KATNIP: variants seen among roughly 807,000 people sequenced by gnomAD.
The protein encoded by KATNIP is katanin interacting protein, also known as katanin-interacting protein.
KATNIP carries 126 observed loss-of-function variants against 174.0 expected under a neutral mutation model. That is an observed-to-expected ratio of 0.72 (90% CI 0.63 to 0.84). The LOEUF (loss-of-function observed/expected upper bound fraction) is 0.84. Ranked by LOEUF, KATNIP falls within the 40% of genes least tolerant of loss-of-function variation. KATNIP has a pLI of 0.00. For synonymous variants in KATNIP, 810 were observed against 835.7 expected (o/e 0.97, Z 0.53); for missense variants, 1,958 against 2,109.7 (o/e 0.93, Z 1.41).
intron 14 of KATNIP, among the ~76,000 whole-genome samples, chr16:27,734,199 C>T (rs2080811160): frequency 1.3e-5 from 2 of 152,058 alleles, no homozygotes; most frequent in Admixed American, 1.3e-4. Context: ...TCTCCCGCCT[C>T]AGCCTCTCCA....
At chr16:27,597,959 G>A (rs904491665) in intron 2 of KATNIP, among the ~76,000 whole-genome samples, 3 of 152,204 alleles carry the variant, frequency 2.0e-5, no homozygotes, top group Admixed American at 6.5e-5. Flanking sequence ...CGGGCATGGT[G>A]GCTCAGGCCC....
At chr16:27,704,204 CAG>C (rs897615505) in intron 12 of KATNIP, among the ~76,000 whole-genome samples, 1 of 151,726 alleles carries the variant, frequency 6.6e-6, no homozygotes, top group African/African-American at 2.4e-5. Context: ...GAAGTTTCAG[CAG>C]AGAGAAGCCT....
intron 2 of KATNIP, among the ~76,000 whole-genome samples, chr16:27,580,358 C>A (rs1215421572): frequency 6.6e-6 from 1 of 152,156 alleles, no homozygotes. Flanking sequence ...AGCAGTCCTC[C>A]CCTCTTGGCC....
chr16:27,559,427 G>A (rs1469396), intron 1 of KATNIP, among the ~76,000 whole-genome samples: 127,018 of 152,032 alleles, frequency 0.84, 53,192 homozygotes, highest in East Asian at 1. Context: ...CATGCCTGTA[G>A]TCCTAGCACT....
intron 5 of KATNIP, among the ~76,000 whole-genome samples, chr16:27,635,907 A>C (rs531490675): frequency 5.9e-5 from 9 of 152,300 alleles, no homozygotes; most frequent in African/African-American, 2.2e-4. Flanking sequence ...TAATCCTAGC[A>C]CTTTGGGAGG....
intron 12 of KATNIP, among the ~76,000 whole-genome samples, chr16:27,705,553 G>A (rs2079267150): frequency 6.6e-6 from 1 of 152,074 alleles, no homozygotes; most frequent in Non-Finnish European, 1.5e-5. Context: ...AACAGGAAAG[G>A]TCTCTGAAAG....
At chr16:27,707,444 C>CAA (rs1278443270) in intron 12 of KATNIP, among the ~76,000 whole-genome samples, 1 of 152,216 alleles carries the variant, frequency 6.6e-6, no homozygotes, top group Non-Finnish European at 1.5e-5. Context: ...CAGAAAGAAA[C>CAA]AGACACTTAC....
chr16:27,721,709 G>A lies in KATNIP; in HGVS notation c.1743+14G>A, dbSNP rs376671989. 19 of 1,612,352 alleles carry A rather than the reference G, an allele frequency of 1.2e-5. No individual in the cohort carries two copies. Among genetic ancestry groups the A allele is most frequent in the South Asian group, 1.1e-4 (10 of 91,034 alleles). The stretch of plus-strand genomic sequence containing the variant: ...ACAGCTGATGGCGTAAGTAACAGGC[G>A]CTGGTTCCCCACTGGGCACTGGGTT... On this transcript the variant is annotated intron_variant, in intron 14 of 27. Coordinates refer to ENST00000261588, the MANE Select transcript of KATNIP (RefSeq NM_015202.5).
intron 5 of KATNIP, among the ~76,000 whole-genome samples, chr16:27,646,600 A>G (rs936809208): frequency 6.6e-6 from 1 of 152,228 alleles, no homozygotes; most frequent in Non-Finnish European, 1.5e-5. Context: ...TCGCAGCCCC[A>G]GAAGCCCTTT....
chr16:27,709,558 G>A (rs1438923758), intron 13 of KATNIP, among the ~76,000 whole-genome samples: 1 of 152,230 alleles, frequency 6.6e-6, no homozygotes, highest in Non-Finnish European at 1.5e-5. Flanking sequence ...AGGAGGCAGA[G>A]GTTACAGTAA....
intron 13 of KATNIP, among the ~76,000 whole-genome samples, chr16:27,716,634 A>G (rs1353549313): frequency 1.3e-5 from 2 of 152,178 alleles, no homozygotes; most frequent in Non-Finnish European, 2.9e-5. Flanking sequence ...ATATATTTCT[A>G]TGCAGTGTTA....
chr16:27,682,173 G>A (rs1352654495), intron 8 of KATNIP, among the ~76,000 whole-genome samples: 3 of 152,216 alleles, frequency 2.0e-5, no homozygotes, highest in East Asian at 3.9e-4. Context: ...AATTCTGAAA[G>A]TACAAAAGAG....
At chr16:27,681,904 G>A (rs565848966) in intron 8 of KATNIP, among the ~76,000 whole-genome samples, 2 of 152,158 alleles carry the variant, frequency 1.3e-5, no homozygotes, top group African/African-American at 4.8e-5. Flanking sequence ...ACATGGTGGA[G>A]GGCAATCTGC....
rs1567270086 is a variant in KATNIP at position 27,662,049 on chromosome 16, C to CATATATATATATATATACACATACAT, written c.540+13331_540+13332insCACATACATATATATATATATATATA. On this transcript the variant is annotated intron_variant, in intron 6 of 27. Coordinates refer to ENST00000261588, the MANE Select transcript of KATNIP (RefSeq NM_015202.5). Reference sequence around the variant, plus strand: ...ATATATATATATATATATACACATACATATATATATATATATATATATACA... The same window carrying CATATATATATATATATACACATACAT: ...ATATATATATATATATATACACATACATATATATATATATATACACATACATATATATATATATATATATATATACA... Among the ~76,000 whole-genome samples, 15 of 8,628 alleles carry CATATATATATATATATACACATACAT rather than the reference C, an allele frequency of 1.7e-3. 4 individuals are homozygous for CATATATATATATATATACACATACAT. Among genetic ancestry groups the CATATATATATATATATACACATACAT allele is most frequent in the Admixed American group, 3.4e-3 (2 of 594 alleles). The allele number at this position is 8,628 out of a possible 152,430, so 5.7% of individuals were successfully genotyped here.
In KATNIP at chr16:27,631,163, G is replaced by A. The variant is rs777350912; in HGVS notation, c.408+1G>A. 6 of 1,561,130 alleles carry A rather than the reference G, an allele frequency of 3.8e-6. No individual in the cohort carries two copies. Among genetic ancestry groups the A allele is most frequent in the Non-Finnish European group, 4.3e-6 (5 of 1,151,082 alleles). On this transcript the variant is annotated splice_donor_variant, in intron 5 of 27. Transcript: ENST00000261588. LOFTEE classifies it high-confidence loss of function. ...AGTCCAGCGCCGAGGATGGCACCAG[G>A]TCTGGAGACTGTGGCCCCAGCCCAC...
chr16:27,694,987 C>G (rs1422877322), intron 8 of KATNIP, among the ~76,000 whole-genome samples: 2 of 152,148 alleles, frequency 1.3e-5, no homozygotes, highest in African/African-American at 4.8e-5. Flanking sequence ...CACAGCTCAG[C>G]TGAAAGCAAC....
At chr16:27,557,708 A>G (rs2089688476) in intron 1 of KATNIP, among the ~76,000 whole-genome samples, 1 of 152,164 alleles carries the variant, frequency 6.6e-6, no homozygotes, top group Admixed American at 6.5e-5. Context: ...GATTACAGGC[A>G]TGAGCCACTA....
At chr16:27,768,066 A>G (rs1054233087) in intron 20 of KATNIP, among the ~76,000 whole-genome samples, 17 of 147,710 alleles carry the variant, frequency 1.2e-4, no homozygotes, top group African/African-American at 3.9e-4. Context: ...CAGCCAGACA[A>G]TGGCTACAGT....
At chr16:27,734,991 C>T (rs1170498009) in intron 14 of KATNIP, among the ~76,000 whole-genome samples, 1 of 152,236 alleles carries the variant, frequency 6.6e-6, no homozygotes, top group Non-Finnish European at 1.5e-5. Flanking sequence ...AGTCTGTTAT[C>T]CTTTAAACAG....
Sources: gnomAD v4.1 joint callset for allele counts (sites outside exome capture counted in the v4.1 genomes callset) on GRCh38, gnomAD v4.1.1 for gene constraint, MANE v1.5 for transcripts, NCBI Gene and HGNC (gene_info 2026-07-23, HGNC 2026-07-21) for gene names.